Variants in STIM2 observed in about 807,000 individuals in gnomAD.
STIM2 encodes the protein stromal interaction molecule 2.
Under a neutral mutation model 85.8 loss-of-function variants are expected in STIM2, and 31 were observed. That is an observed-to-expected ratio of 0.36 (90% CI 0.27 to 0.49). The LOEUF is 0.49. STIM2 is among the 20% of genes least tolerant of loss of function. The pLI is 0.98. For missense variants in STIM2, 841 were observed against 927.6 expected, an observed-to-expected ratio of 0.91 and a Z score of 1.21; for synonymous variants, 356 against 331.1, an observed-to-expected ratio of 1.08 and a Z score of -0.82.
intron 1 of STIM2, among the ~76,000 whole-genome samples, chr4:26,914,226 C>T (rs1329308479): frequency 6.6e-6 from 1 of 152,136 alleles, no homozygotes; most frequent in Admixed American, 6.5e-5. Flanking sequence ...GGGAATAATG[C>T]CTACTTTGTG....
chr4:27,007,430 A>G (rs1728404216), intron 7 of STIM2, 103 bp from the exon 8 acceptor site: 6 of 847,994 alleles, frequency 7.1e-6, no homozygotes, highest in Non-Finnish European at 1.0e-5. Context: ...AAAGAGCATA[A>G]TTAAAATAGC....
chr4:26,970,780 A>C (rs996743212), intron 3 of STIM2, among the ~76,000 whole-genome samples: 3 of 152,174 alleles, frequency 2.0e-5, no homozygotes, highest in Non-Finnish European at 4.4e-5. Context: ...GCTGGGTCAA[A>C]TGGTAATTCT....
At position 26,975,077 on chromosome 4, in the gene STIM2, T is replaced by G. The variant is rs554104688; in HGVS notation, c.397+17351T>G. 2.8e-4 allele frequency among the ~76,000 whole-genome samples: 42 copies of G among 152,276 alleles called. 1 individual carries two copies. The highest frequency in any genetic ancestry group is 2.3e-3 in the Admixed American group (35 of 15,304). On this transcript the variant is annotated intron_variant, in intron 3 of 11. Coordinates refer to ENST00000467087, the MANE Select transcript of STIM2 (RefSeq NM_020860.4). ...GTCATGAAGTTCTCGTGCCATAGTT[T>G]TCAGCTCCATCAGGTCATTTAAGGT...
chr4:26,912,986 C>T (rs1724398396), intron 1 of STIM2, among the ~76,000 whole-genome samples: 1 of 152,138 alleles, frequency 6.6e-6, no homozygotes, highest in South Asian at 2.1e-4. Flanking sequence ...CATTGACCGC[C>T]AGTAGCAGCT....
chr4:27,010,512 T>G (rs1243535723), intron 10 of STIM2, among the ~76,000 whole-genome samples: 1 of 152,124 alleles, frequency 6.6e-6, no homozygotes, highest in Non-Finnish European at 1.5e-5. Flanking sequence ...TGTCAAAGAT[T>G]ACAATTTGAG....
chr4:26,899,002 A>G (rs143892633), intron 1 of STIM2, among the ~76,000 whole-genome samples: 1 of 151,282 alleles, frequency 6.6e-6, no homozygotes, highest in African/African-American at 2.4e-5. Flanking sequence ...TCCTTACTGT[A>G]GAATAGAACC....
chr4:26,903,060 A>G (rs889486990), intron 1 of STIM2, among the ~76,000 whole-genome samples: 3 of 152,118 alleles, frequency 2.0e-5, no homozygotes, highest in African/African-American at 7.2e-5. Context: ...TCTCTGTATT[A>G]TGGAGTCTGC....
chr4:26,913,161 C>G (rs1009856060), intron 1 of STIM2, among the ~76,000 whole-genome samples: 2 of 152,102 alleles, frequency 1.3e-5, no homozygotes, highest in African/African-American at 4.8e-5. Context: ...TCCAGTTTCA[C>G]TTTCATAAGG....
At chr4:26,872,747 A>G (rs1389980844) in intron 1 of STIM2, among the ~76,000 whole-genome samples, 5 of 152,228 alleles carry the variant, frequency 3.3e-5, no homozygotes, top group Non-Finnish European at 7.3e-5. Context: ...AAATACAAAT[A>G]CTATTTTGAG....
At chr4:27,001,195 T>C (rs1728139100) in intron 5 of STIM2, among the ~76,000 whole-genome samples, 1 of 152,206 alleles carries the variant, frequency 6.6e-6, no homozygotes, top group East Asian at 1.9e-4. Context: ...GCCTGGGCAT[T>C]TAGGCAGTTT....
At chr4:27,005,686 A>G (rs1218290398) in intron 7 of STIM2, among the ~76,000 whole-genome samples, 1 of 152,230 alleles carries the variant, frequency 6.6e-6, no homozygotes, top group African/African-American at 2.4e-5. Flanking sequence ...AAACAGTTAA[A>G]TAGTTGCCAC....
At position 27,003,025 on chromosome 4, in the gene STIM2, C is replaced by A. The variant is rs757964892; in HGVS notation, c.902C>A (p.Ala301Asp). 8 of 1,603,342 alleles carry A rather than the reference C, an allele frequency of 5.0e-6. No individual in the cohort carries two copies. Among genetic ancestry groups the A allele is most frequent in the South Asian group, 1.1e-5 (1 of 89,048 alleles). The change falls in exon 7 of 12, where the codon GCT (alanine) becomes GAT (aspartate). Residue 301 changes from alanine to aspartate, a missense_variant. Physicochemically the swap from Ala to Asp is moderately radical, Grantham distance 126 (BLOSUM62 -2). Around this residue, in one of 3 missense-constraint regions of STIM2, gnomAD observed 408 missense variants for 525.4 expected, o/e 0.78. Coordinates refer to ENST00000467087, the MANE Select transcript of STIM2 (RefSeq NM_020860.4). ...GAAATCAATTATGCAAAGGAGGAGG[C>A]TTGTCGGCTGAGAGAGCTAAGGGAG...
rs564681855 is a variant in STIM2, at chr4:27,023,708, G to C, written c.*712G>C. Reference sequence around the variant, plus strand: ...GATCATGTTGTTTTGTTTTCCCCAGGGCTTTCACTGTGATTTACTGCATTG... The same window carrying C: ...GATCATGTTGTTTTGTTTTCCCCAGCGCTTTCACTGTGATTTACTGCATTG... On this transcript the variant is annotated 3_prime_UTR_variant, in exon 12 of 12. Coordinates refer to ENST00000467087, the MANE Select transcript of STIM2 (RefSeq NM_020860.4). The C allele has an allele frequency of 6.6e-6, 1 of 152,620 alleles. No individual in the cohort carries two copies. Among genetic ancestry groups the C allele is most frequent in the African/African-American group, 2.4e-5 (1 of 41,526 alleles). 9.5% of individuals were successfully genotyped at this position (152,620 alleles called of 1,614,324 possible).
At chr4:26,917,033 C>T (rs1354991094) in intron 1 of STIM2, among the ~76,000 whole-genome samples, 1 of 152,098 alleles carries the variant, frequency 6.6e-6, no homozygotes, top group Non-Finnish European at 1.5e-5. Flanking sequence ...CAGAATTTAT[C>T]AGAGGCTTAA....
intron 3 of STIM2, among the ~76,000 whole-genome samples, chr4:26,976,164 T>A (rs1372935555): frequency 6.6e-6 from 1 of 152,046 alleles, no homozygotes. Flanking sequence ...TGGCTTCCCT[T>A]GGCTAGGAAA....
chr4:26,984,237 A>G (rs976950913), intron 3 of STIM2, among the ~76,000 whole-genome samples: 3 of 152,260 alleles, frequency 2.0e-5, no homozygotes, highest in African/African-American at 7.2e-5. Context: ...TGTACCTGCC[A>G]TTCCATGTTT....
intron 8 of STIM2, chr4:27,007,952 A>G (rs1728424513): frequency 5.5e-6 from 4 of 723,584 alleles, no homozygotes; most frequent in African/African-American, 3.5e-5. Flanking sequence ...TCATTATCAT[A>G]AAAGTTTTAT....
chr4:26,950,696 CA>C, intron 2 of STIM2, among the ~76,000 whole-genome samples: 1 of 152,264 alleles, frequency 6.6e-6, no homozygotes, highest in East Asian at 1.9e-4. Context: ...AATAATCACA[CA>C]GTCTCAGTTA....
At chr4:26,938,440 A>G (rs943444169) in intron 2 of STIM2, among the ~76,000 whole-genome samples, 17 of 152,060 alleles carry the variant, frequency 1.1e-4, no homozygotes, top group African/African-American at 3.6e-4. Context: ...TTGCTAGGAG[A>G]GTAGATCTTT....
Sources: gnomAD v4.1 joint callset for allele counts (sites outside exome capture counted in the v4.1 genomes callset) on GRCh38, gnomAD v4.1.1 for gene constraint, gnomAD v4.1.1 regional missense constraint, MANE v1.5 for transcripts, NCBI Gene and HGNC (gene_info 2026-07-23, HGNC 2026-07-21) for gene names.